Variants in ARHGAP15 observed in about 807,000 individuals in gnomAD.
ARHGAP15 encodes rho GTPase-activating protein 15.
A neutral mutation model predicts 63.7 loss-of-function variants in ARHGAP15; 51 were observed. That is an observed-to-expected ratio of 0.80 (90% confidence interval 0.64 to 1.01). ARHGAP15 has a LOEUF of 1.01. ARHGAP15 is among the 50% of genes least tolerant of loss of function. ARHGAP15 has a pLI of 0.00. For missense variants in ARHGAP15, 560 were observed against 564.6 expected, an observed-to-expected ratio of 0.99 and a Z score of 0.08; for synonymous variants, 191 against 193.8, an observed-to-expected ratio of 0.99 and a Z score of 0.12.
intron 13 of ARHGAP15, among the ~76,000 whole-genome samples, chr2:143,712,804 A>T (rs970232465): frequency 3.8e-4 from 5 of 13,326 alleles, no homozygotes; most frequent in African/African-American, 1.4e-3. Flanking sequence ...CTTCAGCTTT[A>T]AAAAAAAAAA....
chr2:143,669,318 T>A (rs1475312377), intron 12 of ARHGAP15, among the ~76,000 whole-genome samples: 1 of 152,148 alleles, frequency 6.6e-6, no homozygotes, highest in Admixed American at 6.5e-5. Flanking sequence ...CTATATTACC[T>A]CTCCCATGTC....
At chr2:143,752,713 G>T (rs1686427578) in intron 13 of ARHGAP15, among the ~76,000 whole-genome samples, 1 of 152,204 alleles carries the variant, frequency 6.6e-6, no homozygotes, top group Admixed American at 6.5e-5. Context: ...ACAGGATTGG[G>T]CAGAGGAATA....
chr2:143,506,880 A>G (rs1039249784), intron 9 of ARHGAP15, among the ~76,000 whole-genome samples: 1 of 137,908 alleles, frequency 7.3e-6, no homozygotes, highest in Admixed American at 7.4e-5. Flanking sequence ...ATATTAGGGT[A>G]TTTTCCTTAA....
At chr2:143,237,099 T>C (rs1693683663) in intron 5 of ARHGAP15, 1 of 152,132 alleles carries the variant, frequency 6.6e-6, no homozygotes, top group Non-Finnish European at 1.5e-5. Flanking sequence ...TTGTAACCAA[T>C]ATGAAATATT....
intron 6 of ARHGAP15, among the ~76,000 whole-genome samples, chr2:143,305,695 ACTTGAGATACAATCAAT>A (rs1210969385): frequency 6.6e-6 from 1 of 152,140 alleles, no homozygotes; most frequent in African/African-American, 2.4e-5. Context: ...GATATATCAA[ACTTGAGATACAATCAAT>A]CTTCTTATTG....
chr2:143,559,941 A>C (rs1695955756), intron 11 of ARHGAP15, among the ~76,000 whole-genome samples: 1 of 152,196 alleles, frequency 6.6e-6, no homozygotes, highest in Non-Finnish European at 1.5e-5. Flanking sequence ...GCACATGTTT[A>C]TTTTCTAGAA....
intron 6 of ARHGAP15, among the ~76,000 whole-genome samples, chr2:143,332,268 C>T (rs1222203784): frequency 6.6e-6 from 1 of 151,900 alleles, no homozygotes; most frequent in Non-Finnish European, 1.5e-5. Context: ...CACATTATTG[C>T]CTACCCACTA....
In ARHGAP15 at chr2:143,312,475, TAAAA is replaced by T. The variant is rs544948103; in HGVS notation, c.474+61877_474+61880del. On this transcript the variant is annotated intron_variant, in intron 6 of 13. Coordinates refer to ENST00000295095, the MANE Select transcript of ARHGAP15 (RefSeq NM_018460.4). The stretch of plus-strand genomic sequence containing the variant: ...TCTCTGCAGTTATTTTTTTCAAAGA[TAAAA>T]AGAAAAAAAAAGCATGTTCAAAAAT... 3.1e-3 allele frequency among the ~76,000 whole-genome samples: 471 copies of T among 151,774 alleles called. 2 individuals are homozygous for T. Among genetic ancestry groups the T allele is most frequent in the African/African-American group, 0.011 (452 of 41,448 alleles).
In ARHGAP15 at chr2:143,134,960, C is replaced by T. The variant is rs1287788544; in HGVS notation, c.-15+5494C>T. ...TAAATGCTGTATTCCTTTTCTAAAG[C>T]TTGAAATAGACAGTAGCTTAAAAGG... On this transcript the variant is annotated intron_variant, in intron 1 of 13. Coordinates refer to ENST00000295095, the MANE Select transcript of ARHGAP15 (RefSeq NM_018460.4). Among the ~76,000 whole-genome samples the T allele has an allele frequency of 7.2e-5, 11 of 152,012 alleles. 1 individual carries two copies. Among genetic ancestry groups the T allele is most frequent in the Admixed American group, 7.2e-4 (11 of 15,244 alleles).
intron 10 of ARHGAP15, among the ~76,000 whole-genome samples, chr2:143,530,347 A>G (rs964905361): frequency 6.6e-6 from 1 of 152,150 alleles, no homozygotes; most frequent in African/African-American, 2.4e-5. Flanking sequence ...GAAATAGGGC[A>G]ATGACCTTTG....
At chr2:143,538,957 A>C (rs954308420) in intron 10 of ARHGAP15, among the ~76,000 whole-genome samples, 10 of 152,182 alleles carry the variant, frequency 6.6e-5, no homozygotes, top group Non-Finnish European at 8.8e-5. Context: ...AAGGAATGGT[A>C]CCAGTTCCTC....
intron 12 of ARHGAP15, among the ~76,000 whole-genome samples, chr2:143,678,617 C>T (rs1264497683): frequency 6.6e-6 from 1 of 152,176 alleles, no homozygotes; most frequent in African/African-American, 2.4e-5. Flanking sequence ...ATAGTTTTTA[C>T]ATCCATAAAA....
chr2:143,391,560 T>C (rs1246059272), intron 6 of ARHGAP15, among the ~76,000 whole-genome samples: 2 of 152,154 alleles, frequency 1.3e-5, no homozygotes, highest in African/African-American at 4.8e-5. Flanking sequence ...ACTCAATTGA[T>C]TCCTAATTAT....
chr2:143,635,831 GAT>G (rs1014150437), intron 12 of ARHGAP15, among the ~76,000 whole-genome samples: 2 of 151,390 alleles, frequency 1.3e-5, no homozygotes, highest in African/African-American at 4.8e-5. Flanking sequence ...GATGACAGCA[GAT>G]ATATATATAT....
chr2:143,555,347 A>G (rs975205181), intron 10 of ARHGAP15, among the ~76,000 whole-genome samples: 2 of 152,168 alleles, frequency 1.3e-5, no homozygotes, highest in Non-Finnish European at 2.9e-5. Flanking sequence ...GTGAATTACA[A>G]TGATTATCCA....
intron 12 of ARHGAP15, among the ~76,000 whole-genome samples, chr2:143,691,048 T>C (rs1350680228): frequency 6.6e-6 from 1 of 152,102 alleles, no homozygotes; most frequent in Non-Finnish European, 1.5e-5. Flanking sequence ...ACGGACGTAC[T>C]CTCTTGCCCA....
chr2:143,249,649 A>C (rs1171691020), intron 5 of ARHGAP15, among the ~76,000 whole-genome samples: 1 of 152,124 alleles, frequency 6.6e-6, no homozygotes, highest in African/African-American at 2.4e-5. Context: ...TTTTTAAAAA[A>C]TAATTGGCGG....
chr2:143,240,793 G>A (rs897223606), intron 5 of ARHGAP15, among the ~76,000 whole-genome samples: 1 of 152,126 alleles, frequency 6.6e-6, no homozygotes, highest in Non-Finnish European at 1.5e-5. Flanking sequence ...TTTTATTAAT[G>A]TAAACTTTGG....
intron 11 of ARHGAP15, among the ~76,000 whole-genome samples, chr2:143,623,431 T>G (rs1205899746): frequency 6.6e-6 from 1 of 152,198 alleles, no homozygotes; most frequent in Admixed American, 6.5e-5. Flanking sequence ...GTGGTTTGTC[T>G]TTAGTGTGTT....
Sources: gnomAD v4.1 joint callset for allele counts (sites outside exome capture counted in the v4.1 genomes callset) on GRCh38, gnomAD v4.1.1 for gene constraint, MANE v1.5 for transcripts, NCBI Gene and HGNC (gene_info 2026-07-23, HGNC 2026-07-21) for gene names.